Variants in INTS9 observed in about 807,000 individuals in gnomAD.
INTS9 encodes the protein integrator complex subunit 9.
Under a neutral mutation model 79.7 loss-of-function variants are expected in INTS9, and 55 were observed. The observed-to-expected ratio is 0.69, with a 90% CI of 0.56 to 0.86. INTS9 has a LOEUF of 0.86. Ranked by LOEUF, INTS9 falls within the 40% of genes least tolerant of loss-of-function variation. INTS9 has a pLI of 0.00. For synonymous variants in INTS9, 319 were observed against 325.2 expected (o/e 0.98, Z 0.20); for missense variants, 721 against 831.5 (o/e 0.87, Z 1.64).
In INTS9 at chr8:28,846,736, C is replaced by G; in HGVS notation, c.261+11G>C. The G allele has an allele frequency of 6.3e-7, 1 of 1,596,120 alleles. No individual in the cohort carries two copies. Among genetic ancestry groups the G allele is most frequent in the East Asian group, 2.2e-5 (1 of 44,796 alleles). On this transcript the variant is annotated intron_variant, in intron 4 of 16. Transcript: ENST00000521022. ...GGTTTGTTTCTACAATAAGATTCAC[C>G]TTAATCTTACCTCTGGTAAACAGAA...
chr8:28,859,539 A>C lies in INTS9; in HGVS notation c.34T>G (p.Leu12Val). Residue 12 changes from leucine to valine, a missense_variant, in exon 2 of 17, where the codon TTA becomes GTA. Physicochemically the swap from Leu to Val is conservative, Grantham distance 32. This residue lies in a region of INTS9 where 291 missense variants were observed against 307.0 expected (regional missense o/e 0.95). Coordinates refer to ENST00000521022, the MANE Select transcript of INTS9 (RefSeq NM_018250.4). ...KLYCLSGHPT[L>V]PCNVLKFKST... ...TTGAATTTGAGCACATTGCATGGTA[A>C]GGTTGGGTGCCCTGACAGGCAATAC... The C allele has an allele frequency of 6.2e-7, 1 of 1,614,178 alleles. No individual in the cohort carries two copies. The highest frequency in any genetic ancestry group is 8.5e-7 in the Non-Finnish European group (1 of 1,180,008).
intron 12 of INTS9, among the ~76,000 whole-genome samples, chr8:28,779,067 A>T (rs981413353): frequency 1.6e-4 from 24 of 152,180 alleles, no homozygotes; most frequent in Non-Finnish European, 2.9e-5. Context: ...TTTGTACTAA[A>T]GGCCAGGTTA....
At chr8:28,841,520 C>G (rs1043025452) in intron 4 of INTS9, among the ~76,000 whole-genome samples, 1 of 152,138 alleles carries the variant, frequency 6.6e-6, no homozygotes, top group East Asian at 1.9e-4. Context: ...TGGTATATAT[C>G]AAGAGTGTAT....
chr8:28,821,059 T>C (rs1009897953), intron 6 of INTS9, among the ~76,000 whole-genome samples: 2 of 152,132 alleles, frequency 1.3e-5, no homozygotes, highest in African/African-American at 4.8e-5. Flanking sequence ...CAGGGTTTCT[T>C]GGAGAAATGG....
At chr8:28,880,251 TCTCCCTCTC>T (rs1809635749) in intron 1 of INTS9, among the ~76,000 whole-genome samples, 1 of 129,778 alleles carries the variant, frequency 7.7e-6, no homozygotes, top group African/African-American at 2.8e-5. Flanking sequence ...TCCCTCTCCC[TCTCCCTCTC>T]CCTCTCCCTC....
intron 11 of INTS9, among the ~76,000 whole-genome samples, chr8:28,782,892 AC>A (rs1220681640): frequency 2.6e-5 from 4 of 151,954 alleles, no homozygotes; most frequent in Admixed American, 6.6e-5. Context: ...ACACAAAAAA[AC>A]CCCCAGCACT....
At chr8:28,838,161 C>A (rs1044775789) in intron 4 of INTS9, among the ~76,000 whole-genome samples, 3 of 151,982 alleles carry the variant, frequency 2.0e-5, no homozygotes, top group Non-Finnish European at 4.4e-5. Context: ...CATAACACCC[C>A]ATTGCTACAG....
chr8:28,842,542 T>C (rs1039430978), intron 4 of INTS9, among the ~76,000 whole-genome samples: 1 of 152,206 alleles, frequency 6.6e-6, no homozygotes, highest in Admixed American at 6.5e-5. Context: ...TGTCTCCTTC[T>C]TCATCATCTG....
At chr8:28,857,072 G>A (rs1256204125) in intron 2 of INTS9, among the ~76,000 whole-genome samples, 2 of 152,112 alleles carry the variant, frequency 1.3e-5, no homozygotes, top group East Asian at 1.9e-4. Context: ...TTATGGCTGG[G>A]TAGTATTCCA....
intron 11 of INTS9, among the ~76,000 whole-genome samples, chr8:28,784,276 T>C (rs1203941073): frequency 6.6e-6 from 1 of 152,208 alleles, no homozygotes; most frequent in African/African-American, 2.4e-5. Context: ...TGAGTGAGAA[T>C]GTGATCACAC....
intron 1 of INTS9, among the ~76,000 whole-genome samples, chr8:28,877,123 C>A (rs748936046): frequency 6.6e-6 from 1 of 151,740 alleles, no homozygotes; most frequent in Non-Finnish European, 1.5e-5. Context: ...AAGTTTTATA[C>A]AAAAAAATAA....
chr8:28,861,451 G>A (rs1047529223), intron 1 of INTS9, among the ~76,000 whole-genome samples: 2 of 152,150 alleles, frequency 1.3e-5, no homozygotes, highest in African/African-American at 4.8e-5. Context: ...GAAAAAATCA[G>A]ATATTCAGAA....
chr8:28,883,114 TC>T (rs1809986807), intron 1 of INTS9, among the ~76,000 whole-genome samples: 1 of 152,188 alleles, frequency 6.6e-6, no homozygotes, highest in Admixed American at 6.5e-5. Context: ...TCACTGGCCT[TC>T]CCCTTTCTGG....
chr8:28,855,813 T>C (rs1016583377), intron 2 of INTS9, among the ~76,000 whole-genome samples: 1 of 152,250 alleles, frequency 6.6e-6, no homozygotes, highest in Non-Finnish European at 1.5e-5. Context: ...TTGATTTTTG[T>C]ACCATGGTTA....
intron 10 of INTS9, among the ~76,000 whole-genome samples, chr8:28,792,329 T>C (rs569175554): frequency 1.3e-5 from 2 of 152,046 alleles, no homozygotes; most frequent in East Asian, 1.9e-4. Context: ...AGGGGTGATG[T>C]AAAAAAAGAA....
chr8:28,812,354 T>C lies in INTS9; in HGVS notation c.717A>G (p.Gly239=). Residue 239 remains glycine, a synonymous_variant, in exon 8 of 17, where the codon GGA becomes GGG. Transcript: ENST00000521022. ...SHYEKVSYVS[G]SSLLTTHPQP... Reference sequence around the variant, plus strand: ...GGGGGTGTGTGGTAAGCAAGGAGGATCCAGAGACATAAGACACTTTCTCGT... The same window carrying C: ...GGGGGTGTGTGGTAAGCAAGGAGGACCCAGAGACATAAGACACTTTCTCGT... 1.2e-6 allele frequency: 2 copies of C among 1,614,048 alleles called. No homozygotes were observed. The highest frequency in any genetic ancestry group is 1.7e-6 in the Non-Finnish European group (2 of 1,179,972).
At chr8:28,830,695 A>T (rs1806430225) in intron 6 of INTS9, among the ~76,000 whole-genome samples, 1 of 151,682 alleles carries the variant, frequency 6.6e-6, no homozygotes, top group Admixed American at 6.6e-5. Context: ...TGCTGAGTTT[A>T]TCTAGGAGAA....
At chr8:28,875,204 T>C (rs1437443671) in intron 1 of INTS9, among the ~76,000 whole-genome samples, 3 of 152,322 alleles carry the variant, frequency 2.0e-5, no homozygotes, top group South Asian at 4.1e-4. Flanking sequence ...ATATCAGTAG[T>C]TGATATTCTG....
intron 4 of INTS9, among the ~76,000 whole-genome samples, chr8:28,843,732 CT>C (rs1296506436): frequency 2.4e-3 from 340 of 142,760 alleles, no homozygotes; most frequent in Middle Eastern, 3.5e-3. Context: ...CTTCCTTTTT[CT>C]TTTTTTTTTT....
Sources: allele counts gnomAD v4.1 joint callset (sites outside exome capture counted in the v4.1 genomes callset), GRCh38; gene constraint gnomAD v4.1.1; regional missense constraint gnomAD v4.1.1; transcripts MANE v1.5; gene names NCBI Gene and HGNC (gene_info 2026-07-23, HGNC 2026-07-21).